The following DEUP1 variants were observed in gnomAD, a reference collection of about 807,000 sequenced individuals.
The protein encoded by DEUP1 is deuterosome assembly protein 1.
A neutral mutation model predicts 87.4 loss-of-function variants in DEUP1; 82 were observed. The ratio of observed to expected loss-of-function variants is 0.94; its 90% CI spans 0.78 to 1.13. The LOEUF is 1.13. Among genes scored for constraint, DEUP1 ranks in the 50% most tolerant of loss-of-function variants. The probability of loss-of-function intolerance (pLI) is 0.00; values close to 1 mark genes in which losing one functional copy is unlikely to be tolerated. For synonymous variants in DEUP1, 214 were observed against 222.7 expected (o/e 0.96, Z 0.35); for missense variants, 663 against 681.5 (o/e 0.97, Z 0.30).
intron 8 of DEUP1, among the ~76,000 whole-genome samples, chr11:93,388,050 A>G (rs1946645022): frequency 6.6e-6 from 1 of 152,128 alleles, no homozygotes; most frequent in Non-Finnish European, 1.5e-5. Context: ...TATATATTTG[A>G]TAATCACAAA....
intron 3 of DEUP1, among the ~76,000 whole-genome samples, chr11:93,355,760 A>G (rs1032324786): frequency 2.6e-5 from 4 of 152,224 alleles, no homozygotes; most frequent in African/African-American, 9.6e-5. Context: ...AGACAGATAC[A>G]TAGTGTCAAT....
intron 11 of DEUP1, among the ~76,000 whole-genome samples, chr11:93,401,284 G>T (rs933857671): frequency 3.9e-5 from 6 of 151,964 alleles, no homozygotes; most frequent in Admixed American, 3.9e-4. Context: ...TCTGATGAAA[G>T]AAATTGAAGA....
At chr11:93,401,036 G>C (rs1160968741) in intron 11 of DEUP1, among the ~76,000 whole-genome samples, 1 of 152,102 alleles carries the variant, frequency 6.6e-6, no homozygotes, top group African/African-American at 2.4e-5. Context: ...ATGATCTTAT[G>C]CTTAGAAAAC....
chr11:93,433,382 G>A (rs1329495128), intron 13 of DEUP1, among the ~76,000 whole-genome samples: 1 of 152,136 alleles, frequency 6.6e-6, no homozygotes, highest in African/African-American at 2.4e-5. Flanking sequence ...AGCTGGGTGT[G>A]GTGGTGTGTG....
At chr11:93,369,070 T>C in intron 5 of DEUP1, among the ~76,000 whole-genome samples, 1 of 151,988 alleles carries the variant, frequency 6.6e-6, no homozygotes. Flanking sequence ...TCCCCCAGCA[T>C]AGTCAGATTC....
chr11:93,396,318 A>G lies in DEUP1; in HGVS notation c.1319A>G (p.Glu440Gly), dbSNP rs12282288. Reference sequence around the variant, plus strand: ...ATGATGGGAGATTTAGACCCCGGAGAATACATGGTAATATGCTGACATCAT... The same window carrying G: ...ATGATGGGAGATTTAGACCCCGGAGGATACATGGTAATATGCTGACATCAT... The part of the protein sequence containing the change: ...KGMMGDLDPG[E>G]YMSMDFTNRE... Residue 440 changes from glutamate (E) to glycine (G), a missense_variant, in exon 11 of 14, where the codon GAA (glutamate) becomes GGA (glycine). Transcript: ENST00000298050. 0.26 allele frequency: 404,177 copies of G among 1,535,598 alleles called. 55,759 individuals carry two copies. The highest frequency in any genetic ancestry group is 0.39 in the South Asian group (32,421 of 82,548).
chr11:93,363,989 T>A (rs1330070955), intron 4 of DEUP1, among the ~76,000 whole-genome samples, 171 bp from the exon 5 acceptor site: 1 of 151,982 alleles, frequency 6.6e-6, no homozygotes, highest in Admixed American at 6.6e-5. Context: ...TCAGCTTCAA[T>A]AATTTAGTTT....
At chr11:93,407,769 C>T (rs1339577315) in intron 11 of DEUP1, among the ~76,000 whole-genome samples, 8 of 151,750 alleles carry the variant, frequency 5.3e-5, no homozygotes, top group Non-Finnish European at 1.2e-4. Context: ...TATTAATCAA[C>T]ACTAGAAGGT....
chr11:93,352,542 C>T (rs2134203266), intron 2 of DEUP1: 1 of 613,908 alleles, frequency 1.6e-6, no homozygotes, highest in East Asian at 2.7e-5. Context: ...AGTAACCTCA[C>T]TGTCTAAAGA....
chr11:93,354,915 C>G (rs550900172), intron 2 of DEUP1, among the ~76,000 whole-genome samples: 1 of 152,270 alleles, frequency 6.6e-6, no homozygotes, highest in Admixed American at 6.5e-5. Flanking sequence ...CCAAATTCCT[C>G]TCCTTGAGGA....
upstream of DEUP1, chr11:93,330,683 C>T (rs1405280187): frequency 2.0e-5 from 3 of 152,980 alleles, no homozygotes; most frequent in Non-Finnish European, 4.4e-5. Context: ...GTGGCGGGGC[C>T]CCTTGGGGCG....
intron 13 of DEUP1, among the ~76,000 whole-genome samples, chr11:93,432,113 G>T (rs911140516): frequency 6.6e-6 from 1 of 152,154 alleles, no homozygotes; most frequent in Admixed American, 6.5e-5. Flanking sequence ...GTATAAAAAA[G>T]AAATCATCCC....
In DEUP1 at chr11:93,371,374, A is replaced by G; in HGVS notation, c.789+94A>G. On this transcript the variant is annotated intron_variant, in intron 7 of 13. Transcript: ENST00000298050. The stretch of plus-strand genomic sequence containing the variant: ...AGAATGATTAGAATGGTAGTTTTCT[A>G]TTATTAATATATGTGAAGATTCCAT... 3 of 1,268,908 alleles carry G rather than the reference A, an allele frequency of 2.4e-6. No individual in the cohort carries two copies. In the South Asian group the frequency reaches 5.0e-5, roughly 21 times the overall value. The allele number at this position is 1,268,908 out of a possible 1,614,324, so 78.6% of individuals were successfully genotyped here. A position where few individuals can be genotyped will look rare whatever the true frequency, so the allele number is the denominator to read the frequency against.
chr11:93,354,068 T>C (rs1036921238), intron 2 of DEUP1, among the ~76,000 whole-genome samples: 1 of 152,252 alleles, frequency 6.6e-6, no homozygotes, highest in African/African-American at 2.4e-5. Flanking sequence ...TTTTATGCTC[T>C]GTTTCACTTT....
chr11:93,332,248 C>A lies in DEUP1; in HGVS notation c.-12C>A. The A allele has an allele frequency of 1.2e-6, 2 of 1,605,492 alleles. No homozygotes were observed. The highest frequency in any genetic ancestry group is 1.7e-6 in the Non-Finnish European group (2 of 1,174,788). On this transcript the variant is annotated 5_prime_UTR_variant, in exon 2 of 14. Coordinates refer to ENST00000298050, the MANE Select transcript of DEUP1 (RefSeq NM_181645.4). Reference sequence around the variant, plus strand: ...ATCAAGAAATATAAACCAGATGTAGCAGTTTCTTGACATGGAGAACCAAGC... The same window carrying A: ...ATCAAGAAATATAAACCAGATGTAGAAGTTTCTTGACATGGAGAACCAAGC...
chr11:93,381,607 T>C (rs1946308123), intron 7 of DEUP1, among the ~76,000 whole-genome samples: 1 of 152,180 alleles, frequency 6.6e-6, no homozygotes, highest in Non-Finnish European at 1.5e-5. Flanking sequence ...TGCAATATTT[T>C]TCCTGGGAAG....
At chr11:93,415,974 G>A (rs947537746) in intron 13 of DEUP1, among the ~76,000 whole-genome samples, 1 of 151,948 alleles carries the variant, frequency 6.6e-6, no homozygotes, top group Non-Finnish European at 1.5e-5. Context: ...TGAGTCTTTT[G>A]GTGCATGTGT....
At chr11:93,358,878 C>T (rs992287547) in intron 4 of DEUP1, among the ~76,000 whole-genome samples, 2 of 152,176 alleles carry the variant, frequency 1.3e-5, no homozygotes, top group African/African-American at 2.4e-5. Context: ...ACACCATGCC[C>T]AGCCTCTTCT....
At chr11:93,350,221 C>T (rs1005535784) in intron 2 of DEUP1, among the ~76,000 whole-genome samples, 1 of 152,062 alleles carries the variant, frequency 6.6e-6, no homozygotes, top group African/African-American at 2.4e-5. Flanking sequence ...GATTATTGTC[C>T]ATCCATATAT....
Sources: gnomAD v4.1 joint callset for allele counts (sites outside exome capture counted in the v4.1 genomes callset) on GRCh38, gnomAD v4.1.1 for gene constraint, MANE v1.5 for transcripts, NCBI Gene and HGNC (gene_info 2026-07-23, HGNC 2026-07-21) for gene names.